The following PCDH15 variants were observed in gnomAD, a reference collection of about 807,000 sequenced individuals.
The protein encoded by PCDH15 is protocadherin-15.
PCDH15 carries 129 observed loss-of-function variants against 178.5 expected under a neutral mutation model. The observed-to-expected ratio is 0.72, with a 90% CI of 0.63 to 0.84. The LOEUF is 0.84. Ranked by LOEUF, PCDH15 falls within the 40% of genes least tolerant of loss-of-function variation. The pLI is 0.00. For synonymous variants in PCDH15, 800 were observed against 732.0 expected, an observed-to-expected ratio of 1.09 and a Z score of -1.50; for missense variants, 2,230 against 2,099.9, an observed-to-expected ratio of 1.06 and a Z score of -1.21.
Position 53,973,617 on chromosome 10 carries a change from C to T in PCDH15, c.2869-11725G>A, listed in dbSNP as rs112132607. Among the ~76,000 whole-genome samples the T allele has an allele frequency of 5.2e-3, 792 of 152,044 alleles. 8 individuals are homozygous for T. Among genetic ancestry groups the T allele is most frequent in the African/African-American group, 0.018 (735 of 41,460 alleles). ...GACCAGTAAATTACTTTTTTGGTTC[C>T]GTACTCTCATCAACCAAATATAGTG... On this transcript the variant is annotated intron_variant, in intron 21 of 37. Transcript: ENST00000644397.
Position 54,022,936 on chromosome 10 carries a change from C to T in PCDH15, c.2482G>A (p.Val828Ile). 2 of 1,613,884 alleles carry T rather than the reference C, an allele frequency of 1.2e-6. No homozygotes were observed. The highest frequency in any genetic ancestry group is 1.3e-5 in the African/African-American group (1 of 75,008). ...VFTNSTYTVLVEENLPAGTTI... is the reference protein window; with the variant it reads ...VFTNSTYTVLIEENLPAGTTI... ...GTCCCAGCTGGCAAATTCTCTTCAA[C>T]AAGGACAGTGTATGTTGAATTGGTG... is the stretch of plus-strand genomic sequence containing the variant. The change falls in exon 19 of 38, where the codon GTT becomes ATT. Residue 828 changes from valine to isoleucine, a missense_variant. Physicochemically the swap from Val to Ile is conservative, Grantham distance 29. Transcript: ENST00000644397.
At chr10:54,682,412 A>T (rs192687074) in intron 1 of PCDH15, among the ~76,000 whole-genome samples, 2 of 152,160 alleles carry the variant, frequency 1.3e-5, no homozygotes, top group Non-Finnish European at 2.9e-5. Flanking sequence ...ACACTGGCAT[A>T]AACTATGTAT....
intron 1 of PCDH15, among the ~76,000 whole-genome samples, chr10:54,726,430 GTGTGTGTGTGTGTGTGTGTGTGT>G (rs1942527711): frequency 1.8e-5 from 2 of 112,398 alleles, no homozygotes; most frequent in African/African-American, 6.5e-5. Flanking sequence ...GTGTGTGTGT[GTGTGTGTGTGTGTGTGTGTGTGT>G]GTGTGTGTGT....
At chr10:54,209,235 T>C (rs192044428) in intron 10 of PCDH15, among the ~76,000 whole-genome samples, 117 of 152,150 alleles carry the variant, frequency 7.7e-4, no homozygotes, top group African/African-American at 2.8e-3. Context: ...AAATTGTAAA[T>C]TGGCTTGAAG....
At chr10:55,376,214 T>C (rs1001341381) in intron 2 of PCDH15, among the ~76,000 whole-genome samples, 3 of 152,076 alleles carry the variant, frequency 2.0e-5, no homozygotes, top group South Asian at 2.1e-4. Flanking sequence ...CCAAATACTA[T>C]GTAGGATATT....
chr10:54,537,792 T>C (rs1416891526), intron 2 of PCDH15, among the ~76,000 whole-genome samples: 1 of 152,178 alleles, frequency 6.6e-6, no homozygotes. Flanking sequence ...GTTTTTTGAC[T>C]TCTTAATAAT....
At chr10:54,808,612 G>T (rs1952814526) in intron 3 of PCDH15, among the ~76,000 whole-genome samples, 1 of 152,068 alleles carries the variant, frequency 6.6e-6, no homozygotes, top group Non-Finnish European at 1.5e-5. Flanking sequence ...TTTATTTCTT[G>T]GCAATTATTC....
At chr10:55,413,135 C>A (rs1378217203) in intron 2 of PCDH15, among the ~76,000 whole-genome samples, 1 of 151,566 alleles carries the variant, frequency 6.6e-6, no homozygotes, top group African/African-American at 2.4e-5. Context: ...ATAATTCTTA[C>A]CCAGCAGAAG....
chr10:54,287,000 G>T (rs1591595094), intron 8 of PCDH15, among the ~76,000 whole-genome samples: 2 of 152,184 alleles, frequency 1.3e-5, no homozygotes, highest in South Asian at 4.1e-4. Context: ...TATTATCCTA[G>T]AAAATAGGTA....
intron 3 of PCDH15, among the ~76,000 whole-genome samples, chr10:54,401,511 T>A (rs1187686702): frequency 1.3e-5 from 2 of 151,858 alleles, no homozygotes; most frequent in Non-Finnish European, 2.9e-5. Context: ...TGGATACTCA[T>A]TCTTAATAGG....
chr10:54,424,750 A>C (rs1956038660), intron 3 of PCDH15, among the ~76,000 whole-genome samples: 6 of 151,606 alleles, frequency 4.0e-5, no homozygotes, highest in Admixed American at 3.3e-4. Context: ...TGAGCAAACT[A>C]TCACAAGGAC....
intron 1 of PCDH15, among the ~76,000 whole-genome samples, chr10:55,238,616 T>A (rs2132208687): frequency 6.6e-6 from 1 of 152,316 alleles, no homozygotes; most frequent in South Asian, 2.1e-4. Flanking sequence ...GTCTCATTTA[T>A]TAAACAAAAG....
rs189361329 is a variant in PCDH15 at position 54,360,403 on chromosome 10, C to T, written c.474+8717G>A. Among the ~76,000 whole-genome samples the T allele has an allele frequency of 5.7e-3, 870 of 152,174 alleles. 8 individuals carry two copies. The highest frequency in any genetic ancestry group is 0.019 in the African/African-American group (786 of 41,538). On this transcript the variant is annotated intron_variant, in intron 5 of 37. Transcript: ENST00000644397. ...AAGCACCTGATTAAATCCTTCTTTTCTGGCAATGTTTGTTGCCTCAGTGAT... is the reference window on the plus strand; with the variant it reads ...AAGCACCTGATTAAATCCTTCTTTTTTGGCAATGTTTGTTGCCTCAGTGAT...
chr10:54,760,607 C>G (rs900765886), intron 1 of PCDH15, among the ~76,000 whole-genome samples: 1 of 152,132 alleles, frequency 6.6e-6, no homozygotes, highest in Admixed American at 6.5e-5. Context: ...TGTTGGCACT[C>G]TTGATCATTT....
chr10:54,256,154 T>C (rs546857906), intron 8 of PCDH15, among the ~76,000 whole-genome samples: 3 of 152,266 alleles, frequency 2.0e-5, no homozygotes, highest in East Asian at 1.9e-4. Context: ...AATCAGGTGA[T>C]GTCTAAGACT....
At chr10:55,596,293 A>G (rs192476950) in intron 2 of PCDH15, among the ~76,000 whole-genome samples, 2 of 152,038 alleles carry the variant, frequency 1.3e-5, no homozygotes, top group African/African-American at 4.8e-5. Context: ...ATTTGATCCT[A>G]CTTTTTTTTC....
rs372052524 is a variant in PCDH15, at chr10:55,224,598, G to A, written c.-155-57947C>T. Among the ~76,000 whole-genome samples, 80 of 152,174 alleles carry A rather than the reference G, an allele frequency of 5.3e-4. 1 individual carries two copies. In the South Asian group the frequency reaches 0.012, roughly 23 times the overall value. ...GATAGATGGTAAGTAGCACAGAAGC[G>A]TGCAAGGCCCTGAGTATAAGGCTCT... is the stretch of plus-strand genomic sequence containing the variant. On this transcript the variant is annotated intron_variant, in intron 1 of 5. Transcript: ENST00000458638.
At chr10:54,364,424 T>G (rs1040010421) in intron 5 of PCDH15, among the ~76,000 whole-genome samples, 2 of 152,170 alleles carry the variant, frequency 1.3e-5, no homozygotes, top group African/African-American at 4.8e-5. Context: ...AGAAAACACA[T>G]TCTGTATAAT....
chr10:55,196,286 C>T (rs534607242), intron 1 of PCDH15, among the ~76,000 whole-genome samples: 1 of 152,120 alleles, frequency 6.6e-6, no homozygotes, highest in South Asian at 2.1e-4. Flanking sequence ...AGTATTACCT[C>T]AAAAATAAAC....
Sources: gnomAD v4.1 joint callset for allele counts (sites outside exome capture counted in the v4.1 genomes callset) on GRCh38, gnomAD v4.1.1 for gene constraint, MANE v1.5 for transcripts, NCBI Gene and HGNC (gene_info 2026-07-23, HGNC 2026-07-21) for gene names.